Variants in PDCD4 observed in about 807,000 individuals in gnomAD.
PDCD4 encodes programmed cell death 4.
A neutral mutation model predicts 54.0 loss-of-function variants in PDCD4; 56 were observed. The ratio of observed to expected loss-of-function variants is 1.04; its 90% CI spans 0.84 to 1.30. The LOEUF (loss-of-function observed/expected upper bound fraction) is 1.30. Among genes scored for constraint, PDCD4 ranks in the 50% most tolerant of loss-of-function variants. PDCD4 has a pLI of 0.00. For missense variants in PDCD4, 584 were observed against 559.8 expected (o/e 1.04, Z -0.44); for synonymous variants, 186 against 194.8 (o/e 0.95, Z 0.37).
intron 10 of PDCD4, 115 bp from the exon 11 acceptor site, chr10:110,895,833 T>A (rs1322380956): frequency 2.8e-6 from 2 of 724,478 alleles, no homozygotes; most frequent in African/African-American, 3.7e-5. Context: ...TGACTTCAGT[T>A]TAACCATTTG....
chr10:110,888,078 A>G (rs186171089), intron 6 of PDCD4, among the ~76,000 whole-genome samples, 192 bp downstream of exon 6: 4 of 150,848 alleles, frequency 2.7e-5, no homozygotes, highest in Admixed American at 6.6e-5. Flanking sequence ...GGTCTTCATC[A>G]TGCTATAAAT....
chr10:110,876,229 G>A (rs1321301436), intron 2 of PDCD4, among the ~76,000 whole-genome samples, 159 bp downstream of exon 2: 2 of 152,058 alleles, frequency 1.3e-5, no homozygotes, highest in South Asian at 4.1e-4. Context: ...TCAGCAGCTG[G>A]GACAACAGGT....
Position 110,881,268 on chromosome 10 carries a change from G to T in PDCD4, c.79G>T (p.Asp27Tyr), listed in dbSNP as rs761116622. The T allele has an allele frequency of 1.9e-6, 3 of 1,613,188 alleles. No homozygotes were observed. Among genetic ancestry groups the T allele is most frequent in the Non-Finnish European group, 2.5e-6 (3 of 1,179,488 alleles). The change falls in exon 3 of 12, where the codon GAT becomes TAT. Residue 27 changes from aspartate (D) to tyrosine (Y), a missense_variant. Coordinates refer to ENST00000280154, the MANE Select transcript of PDCD4 (RefSeq NM_014456.5). Reference protein sequence around the residue: ...DNLSDSLFSGDEENAGTEEIK... With the variant: ...DNLSDSLFSGYEENAGTEEIK... ...CTTAAGTGACTCTCTCTTTTCCGGT[G>T]ATGAAGAAAATGCTGGGACTGAGGA...
At chr10:110,889,496 ACTTT>A (rs1845723133) in intron 6 of PDCD4, 33 bp from the exon 7 acceptor site, 1 of 1,212,142 alleles carries the variant, frequency 8.2e-7, no homozygotes, top group Admixed American at 1.9e-5. Context: ...AAGTTATTTA[ACTTT>A]TTTTATAGCT....
chr10:110,877,666 G>A (rs1845526679), intron 2 of PDCD4, among the ~76,000 whole-genome samples: 1 of 151,972 alleles, frequency 6.6e-6, no homozygotes, highest in Admixed American at 6.6e-5. Flanking sequence ...TGTTCTTGGT[G>A]CTTGTGTCCA....
chr10:110,887,549 A>G (rs1264117915), intron 5 of PDCD4, 116 bp from the exon 6 acceptor site: 4 of 637,642 alleles, frequency 6.3e-6, no homozygotes, highest in Non-Finnish European at 1.1e-5. Context: ...GATTATTTCC[A>G]AAGAGTGAGA....
rs1345137187 is a variant in PDCD4 at position 110,899,381 on chromosome 10, C to A, written c.*1293C>A. 1 of 152,152 alleles carries A rather than the reference C, an allele frequency of 6.6e-6. No homozygotes were observed. Among genetic ancestry groups the A allele is most frequent in the Non-Finnish European group, 1.5e-5 (1 of 68,022 alleles). The allele number at this position is 152,152 out of a possible 1,614,324, so 9.4% of individuals were successfully genotyped here. On this transcript the variant is annotated 3_prime_UTR_variant, in exon 12 of 12. Coordinates refer to ENST00000280154, the MANE Select transcript of PDCD4 (RefSeq NM_014456.5). ...ATTACCTCAGCTTATATATAGTTAC[C>A]ATTTTTAGGTTTTTAATTGTTTGAC...
intron 4 of PDCD4, among the ~76,000 whole-genome samples, chr10:110,883,934 C>T (rs997848738): frequency 6.6e-5 from 10 of 152,124 alleles, no homozygotes; most frequent in African/African-American, 2.4e-4. Context: ...AGAATCTTTG[C>T]TAAAAATGTA....
At chr10:110,872,964 A>T (rs1161511018) in intron 1 of PDCD4, among the ~76,000 whole-genome samples, 1 of 152,136 alleles carries the variant, frequency 6.6e-6, no homozygotes, top group East Asian at 1.9e-4. Flanking sequence ...GATGAAAACG[A>T]TCAGAAATGC....
rs1845826660 is a variant in PDCD4, at chr10:110,896,041, C to G, written c.1303C>G (p.Gln435Glu). 1 of 1,611,144 alleles carries G rather than the reference C, an allele frequency of 6.2e-7. No homozygotes were observed. The highest frequency in any genetic ancestry group is 1.1e-5 in the South Asian group (1 of 90,900). ...GGAGCGGTTTGTAGAAGAATGTTTT[C>G]AGGCTGGAATAATTTCCAAACAACT... ...VLERFVEECFQAGIISKQLRD... is the reference protein window; with the variant it reads ...VLERFVEECFEAGIISKQLRD... The change falls in exon 11 of 12, where the codon CAG becomes GAG. Residue 435 changes from glutamine (Q) to glutamate (E), a missense_variant. By Grantham distance (29) the Gln-to-Glu change is conservative. Transcript: ENST00000280154.
At chr10:110,887,935 T>C (rs1355271657) in intron 6 of PDCD4, 49 bp downstream of exon 6, 2 of 1,252,976 alleles carry the variant, frequency 1.6e-6, no homozygotes, top group Non-Finnish European at 1.2e-6. Flanking sequence ...ACTATATTCC[T>C]AATTGTGGAA....
intron 2 of PDCD4, among the ~76,000 whole-genome samples, chr10:110,878,765 A>G (rs576929155): frequency 6.6e-6 from 1 of 152,312 alleles, no homozygotes; most frequent in African/African-American, 2.4e-5. Flanking sequence ...TAAAATGAGG[A>G]TAAACAGTTT....
chr10:110,897,719 AAATT>A (rs1233962819), intron 11 of PDCD4, among the ~76,000 whole-genome samples: 2 of 152,144 alleles, frequency 1.3e-5, no homozygotes, highest in African/African-American at 2.4e-5. Flanking sequence ...TAATAATTAG[AAATT>A]AATTAGAAAT....
chr10:110,897,949 C>A, intron 11 of PDCD4, 79 bp from the exon 12 acceptor site: 8 of 993,912 alleles, frequency 8.0e-6, no homozygotes, highest in South Asian at 2.0e-5. Context: ...GAAAAAATAC[C>A]AAGTTTTTAA....
chr10:110,896,336 G>A (rs1845831807), intron 11 of PDCD4, among the ~76,000 whole-genome samples: 1 of 152,172 alleles, frequency 6.6e-6, no homozygotes, highest in African/African-American at 2.4e-5. Context: ...AGTAGTTTCA[G>A]TGTTTAGAGT....
At chr10:110,881,663 GT>G (rs1400378631) in intron 3 of PDCD4, 128 bp downstream of exon 3, 12 of 698,358 alleles carry the variant, frequency 1.7e-5, no homozygotes, top group Non-Finnish European at 2.5e-5. Flanking sequence ...AGGCTTTACA[GT>G]TTGTATATAT....
Position 110,881,114 on chromosome 10 carries a change from A to G in PDCD4, c.44-119A>G, listed in dbSNP as rs1345694248. On this transcript the variant is annotated intron_variant, in intron 2 of 11. Coordinates refer to ENST00000280154, the MANE Select transcript of PDCD4 (RefSeq NM_014456.5). The stretch of plus-strand genomic sequence containing the variant: ...GATGAAATTCCCAATATGTGACTGT[A>G]ATTTACCTACAAAAATGGTAATGTC... The G allele has an allele frequency of 7.3e-6, 5 of 682,678 alleles. No individual in the cohort carries two copies. The Admixed American group carries it at 1.4e-4, about 19-fold the overall frequency. The allele number at this position is 682,678 out of a possible 1,614,324, so 42.3% of individuals were successfully genotyped here. A position where few individuals can be genotyped will look rare whatever the true frequency, so the allele number is the denominator to read the frequency against.
At chr10:110,894,719 G>GTT (rs200913544) in intron 10 of PDCD4, among the ~76,000 whole-genome samples, 197 bp downstream of exon 10, 20 of 127,452 alleles carry the variant, frequency 1.6e-4, no homozygotes, top group South Asian at 4.8e-4. Flanking sequence ...ACACTGCAGT[G>GTT]TTTTTTTTTT....
Position 110,881,438 on chromosome 10 carries a change from C to T in PDCD4, c.249C>T (p.Asp83=), listed in dbSNP as rs538533354. 24 of 1,614,130 alleles carry T rather than the reference C, an allele frequency of 1.5e-5. No homozygotes were observed. The highest frequency in any genetic ancestry group is 8.9e-5 in the East Asian group (4 of 44,878). Reference sequence around the variant, plus strand: ...ATTCGGTCAGCGACAGTGGGAGTGACGCCCTTAGAAGTGGATTAACTGTGC... The same window carrying T: ...ATTCGGTCAGCGACAGTGGGAGTGATGCCCTTAGAAGTGGATTAACTGTGC... ...RGDSVSDSGS[D]ALRSGLTVPT... is the part of the protein sequence containing the mutation. Residue 83 remains aspartate, a synonymous_variant, in exon 3 of 12, where the codon GAC becomes GAT. Coordinates refer to ENST00000280154, the MANE Select transcript of PDCD4 (RefSeq NM_014456.5).
Sources: gnomAD v4.1 joint callset for allele counts (sites outside exome capture counted in the v4.1 genomes callset) on GRCh38, gnomAD v4.1.1 for gene constraint, MANE v1.5 for transcripts, NCBI Gene and HGNC (gene_info 2026-07-23, HGNC 2026-07-21) for gene names.